RBFOX1: variants seen among roughly 807,000 people sequenced by gnomAD.
RBFOX1 encodes the protein RNA binding protein fox-1 homolog 1.
A neutral mutation model predicts 57.7 loss-of-function variants in RBFOX1; 8 were observed. The observed-to-expected ratio is 0.14, with a 90% confidence interval of 0.08 to 0.25. The LOEUF (loss-of-function observed/expected upper bound fraction) is 0.25, where lower values mean the gene tolerates loss of function less well. Among genes scored for constraint, RBFOX1 ranks in the 10% least tolerant of loss-of-function variants. The probability of loss-of-function intolerance (pLI) is 1.00; values close to 1 mark genes in which losing one functional copy is unlikely to be tolerated. For missense variants in RBFOX1, 611 were observed against 548.5 expected (o/e 1.11, Z -1.14); for synonymous variants, 326 against 222.4 (o/e 1.47, Z -4.15).
At chr16:6,652,025 T>C (rs2098600377) in intron 2 of RBFOX1, among the ~76,000 whole-genome samples, 1 of 152,238 alleles carries the variant, frequency 6.6e-6, no homozygotes, top group Non-Finnish European at 1.5e-5. Context: ...ATTGTATAAC[T>C]GTAAAATTCA....
intron 4 of RBFOX1, among the ~76,000 whole-genome samples, chr16:7,267,451 A>T (rs570831521): frequency 2.0e-5 from 3 of 152,000 alleles, no homozygotes; most frequent in Non-Finnish European, 4.4e-5. Flanking sequence ...CAAGAGAATC[A>T]CTTGAACCTA....
intron 1 of RBFOX1, among the ~76,000 whole-genome samples, chr16:5,338,245 C>G (rs1162007036): frequency 6.6e-6 from 1 of 152,082 alleles, no homozygotes; most frequent in Non-Finnish European, 1.5e-5. Flanking sequence ...TCCACGACCT[C>G]AGAATCTTGG....
At chr16:6,826,283 C>T (rs1013406406) in intron 3 of RBFOX1, among the ~76,000 whole-genome samples, 8 of 152,052 alleles carry the variant, frequency 5.3e-5, no homozygotes, top group Non-Finnish European at 8.8e-5. Flanking sequence ...GAGGCCGAAG[C>T]GAGAAAATCG....
At chr16:5,283,729 C>A (rs568936218) in intron 1 of RBFOX1, among the ~76,000 whole-genome samples, 9 of 152,292 alleles carry the variant, frequency 5.9e-5, no homozygotes, top group African/African-American at 1.7e-4. Flanking sequence ...AGTGCCTATA[C>A]CCCCATTGTA....
At chr16:7,287,624 C>T (rs1370774843) in intron 4 of RBFOX1, among the ~76,000 whole-genome samples, 3 of 152,168 alleles carry the variant, frequency 2.0e-5, no homozygotes, top group Non-Finnish European at 2.9e-5. Flanking sequence ...GAAAGTACTT[C>T]ACGCTCATTA....
In RBFOX1 at chr16:6,065,989, G is replaced by A. The variant is rs373723780; in HGVS notation, c.-127+45997G>A. On this transcript the variant is annotated intron_variant, in intron 1 of 15. Transcript: ENST00000550418. ...GCATGAGATCTTGAGATATATTTCC[G>A]ACTTCAACACTTTAATGGTAGTATT... 3.1e-4 allele frequency among the ~76,000 whole-genome samples: 47 copies of A among 152,172 alleles called. 1 individual carries two copies. In the East Asian group the frequency reaches 5.2e-3, roughly 17 times the overall value.
chr16:7,125,631 C>T (rs974771031), intron 4 of RBFOX1, among the ~76,000 whole-genome samples: 2 of 152,006 alleles, frequency 1.3e-5, no homozygotes, highest in African/African-American at 2.4e-5. Flanking sequence ...AGATGGATAT[C>T]GTTAACTCTA....
chr16:6,622,408 A>G (rs1402689265), intron 2 of RBFOX1, among the ~76,000 whole-genome samples: 2 of 152,324 alleles, frequency 1.3e-5, no homozygotes, highest in East Asian at 1.9e-4. Flanking sequence ...ACAGTTGCCT[A>G]CAGTATTCAG....
chr16:7,188,268 G>T (rs1447548303), intron 4 of RBFOX1, among the ~76,000 whole-genome samples: 2 of 152,194 alleles, frequency 1.3e-5, no homozygotes, highest in African/African-American at 4.8e-5. Flanking sequence ...AGATGGAAAA[G>T]TTAACATAAG....
chr16:5,251,127 TC>T (rs35643011), intron 1 of RBFOX1, among the ~76,000 whole-genome samples: 46,091 of 151,956 alleles, frequency 0.3, 7,451 homozygotes, highest in South Asian at 0.42. Context: ...CTGCTAACGG[TC>T]CCCCCAGCCC....
chr16:6,928,500 C>A (rs73543231), intron 3 of RBFOX1, among the ~76,000 whole-genome samples: 23,988 of 152,078 alleles, frequency 0.16, 1,977 homozygotes, highest in Non-Finnish European at 0.2. Flanking sequence ...TGCTTTCATG[C>A]GTTAATTATG....
At chr16:5,725,801 A>G (rs1429625020) in intron 3 of RBFOX1, among the ~76,000 whole-genome samples, 1 of 151,886 alleles carries the variant, frequency 6.6e-6, no homozygotes. Flanking sequence ...CTCCCCACTC[A>G]GGGCTGTTCT....
chr16:5,784,823 C>T (rs978712813), intron 3 of RBFOX1, among the ~76,000 whole-genome samples: 5 of 152,134 alleles, frequency 3.3e-5, no homozygotes, highest in Non-Finnish European at 7.3e-5. Context: ...TAGACACCAT[C>T]TATGAACCAG....
intron 1 of RBFOX1, among the ~76,000 whole-genome samples, chr16:5,453,185 C>T (rs568560824): frequency 6.6e-6 from 1 of 152,228 alleles, no homozygotes; most frequent in East Asian, 1.9e-4. Context: ...TACTGTGTCC[C>T]AGCACTAGAC....
chr16:5,788,767 G>C (rs924980607), intron 3 of RBFOX1, among the ~76,000 whole-genome samples: 2 of 152,014 alleles, frequency 1.3e-5, no homozygotes, highest in African/African-American at 4.8e-5. Flanking sequence ...ACAGCATCCC[G>C]AGAGTGACGT....
intron 4 of RBFOX1, among the ~76,000 whole-genome samples, chr16:7,216,651 C>A (rs541909824): frequency 1.4e-5 from 2 of 142,120 alleles, no homozygotes; most frequent in African/African-American, 5.0e-5. Flanking sequence ...GAGTGAGACT[C>A]CGTCAAAATA....
At chr16:7,062,034 G>A (rs369689547) in intron 4 of RBFOX1, among the ~76,000 whole-genome samples, 12 of 152,092 alleles carry the variant, frequency 7.9e-5, no homozygotes, top group East Asian at 3.9e-4. Flanking sequence ...AAATGGCAAC[G>A]AGGCCGGGTG....
At chr16:7,256,893 A>T (rs1603450843) in intron 4 of RBFOX1, among the ~76,000 whole-genome samples, 4 of 152,076 alleles carry the variant, frequency 2.6e-5, no homozygotes, top group Admixed American at 2.6e-4. Flanking sequence ...AGTCCATCAC[A>T]CCCGGGAAAC....
chr16:6,971,328 C>A (rs1568152943), intron 3 of RBFOX1, among the ~76,000 whole-genome samples: 2 of 152,068 alleles, frequency 1.3e-5, no homozygotes, highest in African/African-American at 4.8e-5. Context: ...ACAGAAACAT[C>A]CATGGAAGAG....
Sources: allele counts gnomAD v4.1 joint callset (sites outside exome capture counted in the v4.1 genomes callset), GRCh38; gene constraint gnomAD v4.1.1; transcripts MANE v1.5; gene names NCBI Gene and HGNC (gene_info 2026-07-23, HGNC 2026-07-21).